The following MUC3A variants were observed in gnomAD, a reference collection of about 807,000 sequenced individuals.
MUC3A encodes mucin 3A, cell surface associated.
In MUC3A, 109 loss-of-function variants were observed where a neutral mutation model predicts 109.0. The observed-to-expected ratio is 1.00, with a 90% CI of 0.86 to 1.17. The LOEUF is 1.17. Ranked by LOEUF, MUC3A falls within the 50% of genes most tolerant of loss-of-function variation. The pLI, the probability that MUC3A is intolerant of heterozygous loss-of-function variation, is 0.00. For missense variants in MUC3A, 3,537 were observed against 2,469.4 expected, an observed-to-expected ratio of 1.43 and a Z score of -9.16; for synonymous variants, 1,398 against 981.4, an observed-to-expected ratio of 1.42 and a Z score of -7.93.
intron 1 of MUC3A, among the ~76,000 whole-genome samples, chr7:100,950,367 A>G (rs1685423389): frequency 6.6e-6 from 1 of 152,278 alleles, no homozygotes; most frequent in Admixed American, 6.5e-5. Flanking sequence ...ACACCTCGCA[A>G]TTCCTCTATA....
chr7:100,959,420 C>G lies in MUC3A; in HGVS notation c.7641C>G (p.Thr2547=). The change falls in exon 2 of 12, where the codon ACC becomes ACG. Residue 2547 remains threonine, a synonymous_variant. Coordinates refer to ENST00000379458, the MANE Select transcript of MUC3A (RefSeq NM_005960.2). ...CCCTTGTGGGCACCACCTCTCCCAC[C>G]ATGTCCACTGTGAGAATGACCCTCA... The part of the protein sequence containing the change: ...TSSLVGTTSP[T]MSTVRMTLRI... 1 of 1,539,102 alleles carries G rather than the reference C, an allele frequency of 6.5e-7. No individual in the cohort carries two copies. The highest frequency in any genetic ancestry group is 1.4e-5 in the African/African-American group (1 of 73,096).
intron 6 of MUC3A, chr7:100,965,073 G>A: frequency 1.6e-3 from 2 of 1,272 alleles, no homozygotes; most frequent in Non-Finnish European, 2.0e-3. Flanking sequence ...AGCATTTCCC[G>A]GATGGCTGAA....
rs539008008 is a variant in MUC3A, at chr7:100,960,735, C to T, written c.8867-17C>T. The T allele has an allele frequency of 9.4e-6, 15 of 1,595,616 alleles. No individual in the cohort carries two copies. The African/African-American group carries it at 1.2e-4, about 13-fold the overall frequency. On this transcript the variant is annotated splice_polypyrimidine_tract_variant and intron_variant, in intron 2 of 11. Transcript: ENST00000379458. ...CAGGCTTTATCCTGAGCTTCCCTTT[C>T]TTTCTGTGTTTTCCAGGCACCTGTG... is the stretch of plus-strand genomic sequence containing the variant.
intron 6 of MUC3A, 71 bp from the exon 7 acceptor site, chr7:100,965,211 C>T: frequency 1.9e-6 from 3 of 1,569,744 alleles, no homozygotes; most frequent in Non-Finnish European, 2.6e-6. Flanking sequence ...ATCCTGCCTC[C>T]TGGCGCTAAC....
Position 100,956,024 on chromosome 7 carries a change from A to C in MUC3A, c.4245A>C (p.Pro1415=), listed in dbSNP as rs1475016815. The change falls in exon 2 of 12, where the codon CCA becomes CCC. Residue 1415 remains proline, a synonymous_variant. Coordinates refer to ENST00000379458, the MANE Select transcript of MUC3A (RefSeq NM_005960.2). The part of the protein sequence containing the change: ...SWPTATNTLS[P]LTSSILSSTP... ...CCACAGCCACTAATACGTTATCACC[A>C]CTCACCAGTAGCATTTTATCTTCTA... The C allele has an allele frequency of 0.073, 15,485 of 211,384 alleles. 445 individuals are homozygous for C. Among genetic ancestry groups the C allele is most frequent in the Middle Eastern group, 0.19 (361 of 1,854 alleles). The allele number at this position is 211,384 out of a possible 1,614,324, so 13.1% of individuals were successfully genotyped here. A position where few individuals can be genotyped will look rare whatever the true frequency, so the allele number is the denominator to read the frequency against.
intron 5 of MUC3A, 132 bp downstream of exon 5, chr7:100,963,884 T>A: frequency 7.8e-7 from 1 of 1,281,912 alleles, no homozygotes; most frequent in East Asian, 2.5e-5. Context: ...AAGGAATCAC[T>A]CCCTGGGTAT....
intron 3 of MUC3A, among the ~76,000 whole-genome samples, chr7:100,962,811 C>CTCTCTCTT (rs1243533112): frequency 7.9e-6 from 1 of 126,480 alleles, no homozygotes; most frequent in Non-Finnish European, 1.8e-5. Context: ...CTCTCTCTCT[C>CTCTCTCTT]TCTTTCTTTC....
In MUC3A at chr7:100,957,642, T is replaced by C; in HGVS notation, c.5863T>C (p.Ser1955Pro). The C allele has an allele frequency of 2.3e-6, 2 of 873,184 alleles. No homozygotes were observed. The highest frequency in any genetic ancestry group is 7.5e-5 in the East Asian group (1 of 13,282). The allele number at this position is 873,184 out of a possible 1,614,324, so 54.1% of individuals were successfully genotyped here. A position where few individuals can be genotyped will look rare whatever the true frequency, so the allele number is the denominator to read the frequency against. Reference sequence around the variant, plus strand: ...CAATACCAAGACCACCTCACACAGCTCTCCCAGCTTCACTTCTTCGATCAC... The same window carrying C: ...CAATACCAAGACCACCTCACACAGCCCTCCCAGCTTCACTTCTTCGATCAC... ...ITNTKTTSHSSPSFTSSITTT... is the reference protein window; with the variant it reads ...ITNTKTTSHSPPSFTSSITTT... Residue 1955 changes from serine to proline, a missense_variant, in exon 2 of 12, where the codon TCT becomes CCT. Coordinates refer to ENST00000379458, the MANE Select transcript of MUC3A (RefSeq NM_005960.2).
chr7:100,949,828 C>T, intron 1 of MUC3A, 143 bp downstream of exon 1: 1 of 504,918 alleles, frequency 2.0e-6, no homozygotes, highest in Non-Finnish European at 2.6e-6. Context: ...AGAACCGAGG[C>T]ACGGCCTGAC....
Position 100,956,127 on chromosome 7 carries a change from C to T in MUC3A, c.4348C>T (p.Pro1450Ser). 2.3e-6 allele frequency: 1 copy of T among 444,104 alleles called. No individual in the cohort carries two copies. The highest frequency in any genetic ancestry group is 6.7e-5 in the South Asian group (1 of 14,870). 27.5% of individuals were successfully genotyped at this position (444,104 alleles called of 1,614,324 possible). Residue 1450 changes from proline (P) to serine (S), a missense_variant, in exon 2 of 12, where the codon CCC becomes TCC. Physicochemically the swap from Pro to Ser is moderately conservative, Grantham distance 74. Coordinates refer to ENST00000379458, the MANE Select transcript of MUC3A (RefSeq NM_005960.2). ...TGTATCCACGTTGGTGACTACACTCCCCATTACCATCACCAGGTCTACACT... is the reference window on the plus strand; with the variant it reads ...TGTATCCACGTTGGTGACTACACTCTCCATTACCATCACCAGGTCTACACT... ...NPVSTLVTTL[P>S]ITITRSTLTS...
At position 100,964,762 on chromosome 7, in the gene MUC3A, G is replaced by C. The variant is rs587709071; in HGVS notation, c.9301G>C (p.Glu3101Gln). 1.6e-5 allele frequency: 25 copies of C among 1,598,370 alleles called. No individual in the cohort carries two copies. Among genetic ancestry groups the C allele is most frequent in the African/African-American group, 4.0e-5 (3 of 74,964 alleles). Residue 3101 changes from glutamate (E) to glutamine (Q), a missense_variant, in exon 6 of 12, where the codon GAG becomes CAG. Coordinates refer to ENST00000379458, the MANE Select transcript of MUC3A (RefSeq NM_005960.2). ...GCCCTTCAGCCCCCAGCTGGAGAGC[G>C]AGTATGAGCAGGTGAAGACCACGCT... Reference protein sequence around the residue: ...EMPFSPQLESEYEQVKTTLKE... With the variant: ...EMPFSPQLESQYEQVKTTLKE...
At position 100,953,101 on chromosome 7, in the gene MUC3A, C is replaced by A; in HGVS notation, c.1322C>A (p.Thr441Lys). ...STTMTPSSLS[T>K]DIPFTTPTTI... ...ACCATGACCCCATCTTCTCTGAGTA[C>A]AGACATCCCTTTCACAACACCAACA... The change falls in exon 2 of 12, where the codon ACA (threonine) becomes AAA (lysine). Residue 441 changes from threonine to lysine, a missense_variant. By Grantham distance (78) the Thr-to-Lys change is moderately conservative. Coordinates refer to ENST00000379458, the MANE Select transcript of MUC3A (RefSeq NM_005960.2). 1.1e-6 allele frequency: 1 copy of A among 941,290 alleles called. No homozygotes were observed. Among genetic ancestry groups the A allele is most frequent in the Non-Finnish European group, 1.6e-6 (1 of 629,072 alleles). The allele number at this position is 941,290 out of a possible 1,614,324, so 58.3% of individuals were successfully genotyped here.
At position 100,949,550 on chromosome 7, in the gene MUC3A, C is replaced by CG; in HGVS notation, c.-74dup. On this transcript the variant is annotated 5_prime_UTR_variant, in exon 1 of 12. Coordinates refer to ENST00000379458, the MANE Select transcript of MUC3A (RefSeq NM_005960.2). The stretch of plus-strand genomic sequence containing the variant: ...ATAACCAGCACTTTCATTACGTGCA[C>CG]GCCCCAGGGCCACGTCCCTGCCGCT... 7.3e-7 allele frequency: 1 copy of CG among 1,373,412 alleles called. No homozygotes were observed. Among genetic ancestry groups the CG allele is most frequent in the African/African-American group, 1.5e-5 (1 of 67,984 alleles). 85.1% of individuals were successfully genotyped at this position (1,373,412 alleles called of 1,614,324 possible).
Position 100,957,165 on chromosome 7 carries a change from A to G in MUC3A, c.5386A>G (p.Ser1796Gly), listed in dbSNP as rs1343149098. 1.6e-5 allele frequency: 7 copies of G among 448,996 alleles called. No homozygotes were observed. The Admixed American group carries it at 2.7e-4, about 17-fold the overall frequency. 27.8% of individuals were successfully genotyped at this position (448,996 alleles called of 1,614,324 possible). A position where few individuals can be genotyped will look rare whatever the true frequency, so the allele number is the denominator to read the frequency against. ...TAATACGTTACCATCATTTACCAGTAGCGTTTCATCTTCTACGCCTGTCCC... is the reference window on the plus strand; with the variant it reads ...TAATACGTTACCATCATTTACCAGTGGCGTTTCATCTTCTACGCCTGTCCC... ...ATNTLPSFTS[S>G]VSSSTPVPST... is the part of the protein sequence containing the mutation. Residue 1796 changes from serine to glycine, a missense_variant, in exon 2 of 12, where the codon AGC (serine) becomes GGC (glycine). Coordinates refer to ENST00000379458, the MANE Select transcript of MUC3A (RefSeq NM_005960.2).
intron 5 of MUC3A, chr7:100,964,125 A>AT (rs1792440834): frequency 5.0e-6 from 2 of 396,552 alleles, no homozygotes; most frequent in African/African-American, 4.1e-5. Context: ...CCGGTGGATG[A>AT]TGGCTTGATG....
At position 100,959,225 on chromosome 7, in the gene MUC3A, A is replaced by G; in HGVS notation, c.7446A>G (p.Thr2482=). ...PTPVTPSSLS[T]DIPTTSLRTL... Reference sequence around the variant, plus strand: ...CTGTAACCCCATCTTCTCTGAGTACAGACATCCCGACCACAAGCCTACGAA... The same window carrying G: ...CTGTAACCCCATCTTCTCTGAGTACGGACATCCCGACCACAAGCCTACGAA... The change falls in exon 2 of 12, where the codon ACA becomes ACG. Residue 2482 remains threonine (T), a synonymous_variant. Transcript: ENST00000379458. 6.3e-7 allele frequency: 1 copy of G among 1,598,442 alleles called. No homozygotes were observed. Among genetic ancestry groups the G allele is most frequent in the Non-Finnish European group, 8.5e-7 (1 of 1,179,756 alleles).
chr7:100,959,623 C>A lies in MUC3A; in HGVS notation c.7844C>A (p.Thr2615Asn), dbSNP rs778372924. 3 of 1,598,416 alleles carry A rather than the reference C, an allele frequency of 1.9e-6. No homozygotes were observed. In the South Asian group the frequency reaches 3.3e-5, roughly 18 times the overall value. ...TCCACGTCCACTCTTCATACTCTTACTCCATCAACAGCCTTGAGCACGATC... is the reference window on the plus strand; with the variant it reads ...TCCACGTCCACTCTTCATACTCTTAATCCATCAACAGCCTTGAGCACGATC... ...DSSTSTLHTLTPSTALSTIVS... is the reference protein window; with the variant it reads ...DSSTSTLHTLNPSTALSTIVS... The change falls in exon 2 of 12, where the codon ACT (threonine) becomes AAT (asparagine). Residue 2615 changes from threonine to asparagine, a missense_variant. Coordinates refer to ENST00000379458, the MANE Select transcript of MUC3A (RefSeq NM_005960.2).
chr7:100,959,321 T>C lies in MUC3A; in HGVS notation c.7542T>C (p.Thr2514=), dbSNP rs1792231394. 1.3e-6 allele frequency: 2 copies of C among 1,567,850 alleles called. No homozygotes were observed. The highest frequency in any genetic ancestry group is 2.7e-5 in the African/African-American group (2 of 74,334). ...CCACAGACTTTCCCTCTATACCCAC[T>C]GATATCAGTACCTTACCAACTCGAA... ...TTTTDFPSIP[T]DISTLPTRTH... Residue 2514 remains threonine, a synonymous_variant, in exon 2 of 12, where the codon ACT becomes ACC. Transcript: ENST00000379458.
intron 5 of MUC3A, 45 bp from the exon 6 acceptor site, chr7:100,964,650 A>G (rs763794195): frequency 1.7e-6 from 1 of 574,592 alleles, no homozygotes; most frequent in South Asian, 4.7e-5. Context: ...CCAAGGACCC[A>G]TATGTTCCTG....
Sources: allele counts gnomAD v4.1 joint callset (sites outside exome capture counted in the v4.1 genomes callset), GRCh38; gene constraint gnomAD v4.1.1; transcripts MANE v1.5; gene names NCBI Gene and HGNC (gene_info 2026-07-23, HGNC 2026-07-21).